Variants in GPC6 observed in about 807,000 individuals in gnomAD.
GPC6 encodes glypican-6.
In GPC6, 14 loss-of-function variants were observed where a neutral mutation model predicts 55.2. That is an observed-to-expected ratio of 0.25 (90% CI 0.17 to 0.40). GPC6 has a LOEUF of 0.40. Ranked by LOEUF, GPC6 falls within the 10% of genes least tolerant of loss-of-function variation. GPC6 has a pLI of 1.00. For missense variants in GPC6, 641 were observed against 708.5 expected, an observed-to-expected ratio of 0.90 and a Z score of 1.08; for synonymous variants, 278 against 259.6, an observed-to-expected ratio of 1.07 and a Z score of -0.68.
At chr13:93,424,467 A>G (rs1324177202) in intron 1 of GPC6, among the ~76,000 whole-genome samples, 1 of 152,062 alleles carries the variant, frequency 6.6e-6, no homozygotes, top group Non-Finnish European at 1.5e-5. Context: ...CCATTCCTCC[A>G]TCCTGATGCG....
chr13:94,140,348 A>G (rs1887329961), intron 4 of GPC6, among the ~76,000 whole-genome samples: 2 of 152,218 alleles, frequency 1.3e-5, no homozygotes, highest in Admixed American at 1.3e-4. Context: ...ACACTAAACT[A>G]GTTTGTGTTT....
At chr13:93,473,430 C>T (rs981354660) in intron 1 of GPC6, among the ~76,000 whole-genome samples, 5 of 152,130 alleles carry the variant, frequency 3.3e-5, no homozygotes, top group East Asian at 3.9e-4. Flanking sequence ...ACTACAAGAT[C>T]GGAGCAGGCA....
chr13:94,258,582 G>A (rs558692446), intron 4 of GPC6, among the ~76,000 whole-genome samples: 15 of 152,158 alleles, frequency 9.9e-5, no homozygotes, highest in East Asian at 3.9e-4. Context: ...TTGCCTCTTC[G>A]TTTACATTAT....
intron 2 of GPC6, among the ~76,000 whole-genome samples, chr13:93,816,436 G>A (rs190562908): frequency 1.3e-5 from 2 of 151,718 alleles, no homozygotes; most frequent in Non-Finnish European, 2.9e-5. Context: ...TATTTAGAGT[G>A]AAGAGACCCA....
At chr13:94,391,578 A>C (rs1430535739) in intron 7 of GPC6, among the ~76,000 whole-genome samples, 1 of 152,220 alleles carries the variant, frequency 6.6e-6, no homozygotes, top group Non-Finnish European at 1.5e-5. Context: ...AAAGGGAAAA[A>C]AGTAATTCTT....
chr13:94,179,929 C>T (rs965184303), intron 4 of GPC6, among the ~76,000 whole-genome samples: 2 of 152,026 alleles, frequency 1.3e-5, no homozygotes, highest in African/African-American at 2.4e-5. Flanking sequence ...TGTTGCTATT[C>T]GTATTCAAAG....
At chr13:93,385,551 G>GT (rs1875363187) in intron 1 of GPC6, among the ~76,000 whole-genome samples, 1 of 152,242 alleles carries the variant, frequency 6.6e-6, no homozygotes, top group African/African-American at 2.4e-5. Flanking sequence ...GGCAGTGGCA[G>GT]TAGGGGTAGA....
At chr13:94,188,952 T>C (rs1457623514) in intron 4 of GPC6, among the ~76,000 whole-genome samples, 3 of 152,164 alleles carry the variant, frequency 2.0e-5, no homozygotes, top group African/African-American at 4.8e-5. Flanking sequence ...CTTCTAGTGC[T>C]GTGGAGAAGC....
chr13:94,153,427 T>C (rs541832224), intron 4 of GPC6, among the ~76,000 whole-genome samples: 15 of 152,058 alleles, frequency 9.9e-5, no homozygotes, highest in Non-Finnish European at 2.1e-4. Context: ...AAACACAAAG[T>C]ATGATAAATA....
intron 4 of GPC6, among the ~76,000 whole-genome samples, chr13:94,098,880 T>C (rs1219526206): frequency 6.6e-6 from 1 of 152,146 alleles, no homozygotes; most frequent in Non-Finnish European, 1.5e-5. Flanking sequence ...ACATCTGCAA[T>C]TTTTTGCTCA....
intron 2 of GPC6, among the ~76,000 whole-genome samples, chr13:93,599,122 T>G (rs1324584469): frequency 6.6e-6 from 1 of 152,208 alleles, no homozygotes; most frequent in Non-Finnish European, 1.5e-5. Flanking sequence ...GTGTTTACAA[T>G]TATTGAAATT....
intron 3 of GPC6, chr13:93,830,986 C>G: frequency 6.2e-6 from 1 of 162,418 alleles, no homozygotes; most frequent in Non-Finnish European, 1.3e-5. Context: ...TTGTTCAGGA[C>G]ATCAGCACCT....
chr13:94,001,775 G>T (rs1439273647), intron 3 of GPC6, among the ~76,000 whole-genome samples: 18 of 152,090 alleles, frequency 1.2e-4, no homozygotes, highest in Admixed American at 1.2e-3. Flanking sequence ...CCATCAAAAA[G>T]AAACTGCACC....
Position 94,114,618 on chromosome 13 carries a change from C to T in GPC6, c.877+86724C>T, listed in dbSNP as rs145773822. Among the ~76,000 whole-genome samples the T allele has an allele frequency of 3.9e-5, 6 of 152,148 alleles. No homozygotes were observed. The East Asian group carries it at 1.2e-3, about 29-fold the overall frequency. On this transcript the variant is annotated intron_variant, in intron 4 of 8. Transcript: ENST00000377047. ...TGGGGTTGGGAGTAAATTTATTCCT[C>T]AGGTGTACGTATAGAAGTTTAAGCT...
intron 2 of GPC6, among the ~76,000 whole-genome samples, chr13:93,737,400 T>C (rs772975917): frequency 6.6e-6 from 1 of 152,150 alleles, no homozygotes; most frequent in African/African-American, 2.4e-5. Context: ...TAAAGATAGA[T>C]AGCCCCCGTT....
intron 4 of GPC6, among the ~76,000 whole-genome samples, chr13:94,178,448 AG>A (rs1427201512): frequency 6.6e-6 from 1 of 152,240 alleles, no homozygotes; most frequent in Non-Finnish European, 1.5e-5. Context: ...AATATTAAAC[AG>A]TGATTTCAAC....
At chr13:93,348,474 A>G (rs1880505864) in intron 1 of GPC6, among the ~76,000 whole-genome samples, 2 of 152,260 alleles carry the variant, frequency 1.3e-5, no homozygotes, top group East Asian at 1.9e-4. Flanking sequence ...ATTTATTTGT[A>G]TGTAAAGATT....
intron 4 of GPC6, among the ~76,000 whole-genome samples, chr13:94,115,412 A>T (rs1437310076): frequency 6.6e-6 from 1 of 152,102 alleles, no homozygotes; most frequent in Non-Finnish European, 1.5e-5. Flanking sequence ...GTCCCAGCTG[A>T]ATTTTTTAAG....
chr13:94,164,834 G>T (rs910935281), intron 4 of GPC6, among the ~76,000 whole-genome samples: 1 of 151,898 alleles, frequency 6.6e-6, no homozygotes, highest in Non-Finnish European at 1.5e-5. Flanking sequence ...AGGGATTTCT[G>T]GAAATATAGT....
Sources: allele counts gnomAD v4.1 joint callset (sites outside exome capture counted in the v4.1 genomes callset), GRCh38; gene constraint gnomAD v4.1.1; transcripts MANE v1.5; gene names NCBI Gene and HGNC (gene_info 2026-07-23, HGNC 2026-07-21).